The following PTPN11 variants were observed in gnomAD, a reference collection of about 807,000 sequenced individuals.
The protein encoded by PTPN11 is tyrosine-protein phosphatase non-receptor type 11.
Under a neutral mutation model 78.8 loss-of-function variants are expected in PTPN11, and 6 were observed. The ratio of observed to expected loss-of-function variants is 0.08; its 90% CI spans 0.04 to 0.15. PTPN11 has a LOEUF of 0.15. PTPN11 is among the 10% of genes least tolerant of loss of function. The pLI is 1.00. For synonymous variants in PTPN11, 221 were observed against 263.5 expected, an observed-to-expected ratio of 0.84 and a Z score of 1.56; for missense variants, 386 against 744.8, an observed-to-expected ratio of 0.52 and a Z score of 5.61.
chr12:112,440,469 T>C (rs2037868677), intron 1 of PTPN11, among the ~76,000 whole-genome samples: 1 of 151,418 alleles, frequency 6.6e-6, no homozygotes, highest in Non-Finnish European at 1.5e-5. Flanking sequence ...AGAGACGGGG[T>C]TTCCCAGGAT....
intron 6 of PTPN11, 66 bp from the exon 7 acceptor site, chr12:112,472,878 T>G (rs2038440571): frequency 2.4e-6 from 3 of 1,233,084 alleles, no homozygotes; most frequent in South Asian, 1.2e-5. Context: ...GTAATGCTGA[T>G]CCAGGCTTTT....
chr12:112,464,243 T>C (rs1169258847), intron 6 of PTPN11, among the ~76,000 whole-genome samples: 1 of 152,202 alleles, frequency 6.6e-6, no homozygotes, highest in African/African-American at 2.4e-5. Context: ...AGACGTTACT[T>C]TTGCCTTTGA....
At chr12:112,497,284 C>T (rs983443514) in intron 13 of PTPN11, among the ~76,000 whole-genome samples, 1 of 152,110 alleles carries the variant, frequency 6.6e-6, no homozygotes, top group Non-Finnish European at 1.5e-5. Flanking sequence ...TTTAAACTGG[C>T]CTTGTGTAGC....
intron 15 of PTPN11, among the ~76,000 whole-genome samples, chr12:112,505,409 G>A (rs772693131): frequency 2.8e-4 from 43 of 152,106 alleles, no homozygotes; most frequent in Non-Finnish European, 5.9e-4. Context: ...GCTCATACCT[G>A]TAATCCCAGC....
intron 13 of PTPN11, among the ~76,000 whole-genome samples, chr12:112,493,707 C>T (rs1331839849): frequency 2.6e-5 from 4 of 152,090 alleles, no homozygotes; most frequent in African/African-American, 4.8e-5. Context: ...TTAGTATTAA[C>T]TATAATCACC....
At chr12:112,451,610 G>T (rs1362652750) in intron 3 of PTPN11, among the ~76,000 whole-genome samples, 1 of 152,128 alleles carries the variant, frequency 6.6e-6, no homozygotes, top group African/African-American at 2.4e-5. Context: ...GATATTGCTG[G>T]TTGTGGAGCC....
At chr12:112,505,182 G>A (rs537849007) in intron 15 of PTPN11, among the ~76,000 whole-genome samples, 2 of 152,254 alleles carry the variant, frequency 1.3e-5, no homozygotes, top group South Asian at 4.1e-4. Flanking sequence ...GAGTCAGGAA[G>A]CCTGAGTTCT....
At chr12:112,486,992 G>A in intron 11 of PTPN11, 1 of 1,078,148 alleles carries the variant, frequency 9.3e-7, no homozygotes, top group Non-Finnish European at 1.2e-6. Context: ...AGGTATTGAG[G>A]TGGTGGGGGT....
intron 3 of PTPN11, among the ~76,000 whole-genome samples, chr12:112,451,112 G>A (rs1173151943): frequency 1.3e-5 from 2 of 152,104 alleles, no homozygotes; most frequent in Non-Finnish European, 2.9e-5. Flanking sequence ...GATTGTATTC[G>A]TTTTGTACAT....
At chr12:112,481,154 T>C (rs1389098843) in intron 9 of PTPN11, among the ~76,000 whole-genome samples, 2 of 152,206 alleles carry the variant, frequency 1.3e-5, no homozygotes, top group East Asian at 1.9e-4. Context: ...CTTTCTGTGA[T>C]AGAGTTATTC....
intron 1 of PTPN11, among the ~76,000 whole-genome samples, chr12:112,436,306 A>G (rs2060853791): frequency 6.6e-6 from 1 of 152,220 alleles, no homozygotes; most frequent in African/African-American, 2.4e-5. Flanking sequence ...AACAAGCTTT[A>G]ATAGTTTTAA....
intron 3 of PTPN11, 139 bp from the exon 4 acceptor site, chr12:112,453,055 TG>T: frequency 2.7e-6 from 2 of 730,096 alleles, no homozygotes; most frequent in Non-Finnish European, 4.5e-6. Flanking sequence ...CTGTCTCAGG[TG>T]GGATTGATCA....
At chr12:112,435,722 G>A (rs1455890285) in intron 1 of PTPN11, among the ~76,000 whole-genome samples, 3 of 148,986 alleles carry the variant, frequency 2.0e-5, no homozygotes, top group Admixed American at 6.7e-5. Flanking sequence ...TTCTATTTGA[G>A]TAAGAAATAG....
At chr12:112,475,292 T>C (rs2038482730) in intron 7 of PTPN11, among the ~76,000 whole-genome samples, 2 of 152,026 alleles carry the variant, frequency 1.3e-5, no homozygotes, top group South Asian at 4.1e-4. Context: ...GGCAGTGCAC[T>C]GAGGAGAAAG....
intron 13 of PTPN11, among the ~76,000 whole-genome samples, chr12:112,489,965 C>A (rs1196235427): frequency 6.6e-6 from 1 of 152,142 alleles, no homozygotes; most frequent in Non-Finnish European, 1.5e-5. Context: ...GCCACGTTAT[C>A]AAAGTTTGGT....
intron 1 of PTPN11, among the ~76,000 whole-genome samples, chr12:112,443,766 C>T (rs1262348544): frequency 1.3e-5 from 2 of 151,658 alleles, no homozygotes; most frequent in African/African-American, 4.8e-5. Context: ...GATCCTCCCA[C>T]CTCAGCCTCC....
At chr12:112,502,325 C>T in intron 14 of PTPN11, 69 bp downstream of exon 14, 2 of 1,302,166 alleles carry the variant, frequency 1.5e-6, no homozygotes, top group Non-Finnish European at 2.2e-6. Context: ...AAAACAAAAA[C>T]AAAAACAAAA....
At chr12:112,441,751 C>T (rs1592817978) in intron 1 of PTPN11, among the ~76,000 whole-genome samples, 1 of 151,936 alleles carries the variant, frequency 6.6e-6, no homozygotes. Context: ...TACCATGAAT[C>T]TCAATGACTT....
At chr12:112,475,858 G>A (rs1023564777) in intron 7 of PTPN11, among the ~76,000 whole-genome samples, 2 of 152,208 alleles carry the variant, frequency 1.3e-5, no homozygotes, top group African/African-American at 4.8e-5. Context: ...GGAAAGTGGA[G>A]ACATTTGTAA....
Sources: allele counts gnomAD v4.1 joint callset (sites outside exome capture counted in the v4.1 genomes callset), GRCh38; gene constraint gnomAD v4.1.1; transcripts MANE v1.5; gene names NCBI Gene and HGNC (gene_info 2026-07-23, HGNC 2026-07-21).